The following NAALADL2 variants were observed in gnomAD, a reference collection of about 807,000 sequenced individuals.
NAALADL2 encodes inactive N-acetylated-alpha-linked acidic dipeptidase-like protein 2.
Under a neutral mutation model 87.2 loss-of-function variants are expected in NAALADL2, and 76 were observed. That is an observed-to-expected ratio of 0.87 (90% CI 0.72 to 1.05). The LOEUF (loss-of-function observed/expected upper bound fraction) is 1.05. Ranked by LOEUF, NAALADL2 falls within the 50% of genes least tolerant of loss-of-function variation. NAALADL2 has a pLI of 0.00. For missense variants in NAALADL2, 1,089 were observed against 945.8 expected, an observed-to-expected ratio of 1.15 and a Z score of -1.99; for synonymous variants, 354 against 331.0, an observed-to-expected ratio of 1.07 and a Z score of -0.75.
chr3:174,962,379 T>TATATATATATGTCATAGTCACTATGAC (rs1560417063), intron 1 of NAALADL2, among the ~76,000 whole-genome samples: 1 of 102,610 alleles, frequency 9.7e-6, no homozygotes, highest in African/African-American at 7.8e-5. Flanking sequence ...GACATATATA[T>TATATATATATGTCATAGTCACTATGAC]ATATATATAT....
intron 12 of NAALADL2, among the ~76,000 whole-genome samples, chr3:175,739,885 T>C (rs559296591): frequency 6.6e-6 from 1 of 152,348 alleles, no homozygotes; most frequent in East Asian, 1.9e-4. Context: ...TAATATTAAT[T>C]ACTTTGATAC....
At chr3:174,654,110 T>G (rs986385708) in intron 2 of NAALADL2, among the ~76,000 whole-genome samples, 2 of 150,646 alleles carry the variant, frequency 1.3e-5, no homozygotes, top group African/African-American at 2.5e-5. Flanking sequence ...GTTAGAAATG[T>G]GGTTTACATA....
chr3:174,595,758 C>A (rs910147689), intron 2 of NAALADL2, among the ~76,000 whole-genome samples: 2 of 152,178 alleles, frequency 1.3e-5, no homozygotes, highest in Non-Finnish European at 2.9e-5. Flanking sequence ...TGCCTGTAAT[C>A]CCAGCACTTT....
At chr3:174,966,181 C>G (rs182779207) in intron 1 of NAALADL2, among the ~76,000 whole-genome samples, 1 of 152,270 alleles carries the variant, frequency 6.6e-6, no homozygotes. Flanking sequence ...CTTCTTAAAA[C>G]ACTTTTCTGC....
intron 1 of NAALADL2, among the ~76,000 whole-genome samples, chr3:174,901,865 G>T (rs1732351089): frequency 6.6e-6 from 1 of 152,198 alleles, no homozygotes; most frequent in Non-Finnish European, 1.5e-5. Flanking sequence ...TGGGCTTTAT[G>T]TTGTGATTTA....
chr3:175,087,118 A>G (rs1719116104), intron 1 of NAALADL2, among the ~76,000 whole-genome samples: 1 of 152,244 alleles, frequency 6.6e-6, no homozygotes, highest in African/African-American at 2.4e-5. Flanking sequence ...AATGGATGTG[A>G]CTTGTTAGAA....
chr3:175,034,680 G>A (rs1170710569), intron 1 of NAALADL2, among the ~76,000 whole-genome samples: 3 of 152,024 alleles, frequency 2.0e-5, no homozygotes, highest in African/African-American at 4.8e-5. Context: ...CCAAACTGCC[G>A]AGAATTCAGT....
At chr3:175,077,933 A>G (rs1389199545) in intron 1 of NAALADL2, among the ~76,000 whole-genome samples, 1 of 152,248 alleles carries the variant, frequency 6.6e-6, no homozygotes, top group Non-Finnish European at 1.5e-5. Context: ...TTACCTCTGT[A>G]CACCATTTTT....
In NAALADL2 at chr3:175,046,023, T is replaced by A. The variant is rs201541069; in HGVS notation, c.44-50767T>A. 1.7e-4 allele frequency among the ~76,000 whole-genome samples: 25 copies of A among 149,026 alleles called. No homozygotes were observed. In the East Asian group the frequency reaches 2.5e-3, roughly 15 times the overall value. ...TGTCTAGACTTTATGTTTTTTTTTTTAATTTTGGAAATAATATTTTTTAGT... is the reference window on the plus strand; with the variant it reads ...TGTCTAGACTTTATGTTTTTTTTTTAAATTTTGGAAATAATATTTTTTAGT... On this transcript the variant is annotated intron_variant, in intron 1 of 13. Transcript: ENST00000454872.
At chr3:175,485,367 G>A (rs1727097751) in intron 9 of NAALADL2, among the ~76,000 whole-genome samples, 1 of 152,110 alleles carries the variant, frequency 6.6e-6, no homozygotes. Context: ...ATAGGAAAGG[G>A]AGTTTATTAA....
chr3:174,607,872 A>G (rs909288473), intron 2 of NAALADL2, among the ~76,000 whole-genome samples: 41 of 151,846 alleles, frequency 2.7e-4, no homozygotes, highest in Admixed American at 1.3e-4. Context: ...CATTTTTTTC[A>G]GCACCACACC....
chr3:175,271,700 G>A (rs964727675), intron 4 of NAALADL2, among the ~76,000 whole-genome samples: 1 of 152,190 alleles, frequency 6.6e-6, no homozygotes, highest in African/African-American at 2.4e-5. Context: ...GCTGAGACAG[G>A]GCAATCATTT....
intron 2 of NAALADL2, among the ~76,000 whole-genome samples, chr3:174,659,185 G>A (rs1456287527): frequency 6.6e-6 from 1 of 152,044 alleles, no homozygotes; most frequent in African/African-American, 2.4e-5. Context: ...ACACTTTATT[G>A]GTGCCTAATT....
chr3:175,525,222 C>T (rs956842094), intron 9 of NAALADL2, among the ~76,000 whole-genome samples: 2 of 152,032 alleles, frequency 1.3e-5, no homozygotes, highest in African/African-American at 2.4e-5. Flanking sequence ...CTGTGTATCA[C>T]CTTAGTCATA....
At chr3:175,605,640 G>GTT (rs751433758) in intron 10 of NAALADL2, among the ~76,000 whole-genome samples, 1 of 36,686 alleles carries the variant, frequency 2.7e-5, no homozygotes, top group Non-Finnish European at 6.4e-5. Context: ...TATATTGCTT[G>GTT]TTTTTTTTTT....
intron 11 of NAALADL2, among the ~76,000 whole-genome samples, chr3:175,677,167 A>T (rs1033791329): frequency 1.3e-5 from 2 of 151,984 alleles, no homozygotes; most frequent in Non-Finnish European, 2.9e-5. Context: ...GATCAAGACC[A>T]TCCTGGCCAA....
intron 1 of NAALADL2, among the ~76,000 whole-genome samples, chr3:174,476,120 T>A (rs1280613188): frequency 6.6e-6 from 1 of 151,944 alleles, no homozygotes; most frequent in Admixed American, 6.6e-5. Context: ...AATCAGAGAA[T>A]CAAATATTTG....
At chr3:175,060,654 C>G (rs986947925) in intron 1 of NAALADL2, among the ~76,000 whole-genome samples, 2 of 152,132 alleles carry the variant, frequency 1.3e-5, no homozygotes, top group African/African-American at 4.8e-5. Flanking sequence ...AGCCAATAGC[C>G]GTACTATATT....
intron 3 of NAALADL2, among the ~76,000 whole-genome samples, chr3:174,833,024 AC>A (rs2109380206): frequency 6.6e-6 from 1 of 152,244 alleles, no homozygotes; most frequent in East Asian, 1.9e-4. Flanking sequence ...TTCTGTATCT[AC>A]CCATTCTACC....
Sources: gnomAD v4.1 joint callset for allele counts (sites outside exome capture counted in the v4.1 genomes callset) on GRCh38, gnomAD v4.1.1 for gene constraint, MANE v1.5 for transcripts, NCBI Gene and HGNC (gene_info 2026-07-23, HGNC 2026-07-21) for gene names.